FRAS1: variants seen among roughly 807,000 people sequenced by gnomAD.
FRAS1 encodes the protein Fraser extracellular matrix complex subunit 1.
A neutral mutation model predicts 435.2 loss-of-function variants in FRAS1; 290 were observed. The observed-to-expected ratio is 0.67, with a 90% CI of 0.61 to 0.73. The LOEUF is 0.73. Among genes scored for constraint, FRAS1 ranks in the 30% least tolerant of loss-of-function variants. The pLI is 0.00. For synonymous variants in FRAS1, 1,800 were observed against 1,851.0 expected (o/e 0.97, Z 0.71); for missense variants, 4,860 against 5,001.5 (o/e 0.97, Z 0.85).
chr4:78,255,396 A>C, intron 6 of FRAS1, 21 bp downstream of exon 6: 1 of 1,577,394 alleles, frequency 6.3e-7, no homozygotes, highest in South Asian at 1.2e-5. Context: ...CAACCTCAGC[A>C]TGCAGCCTTC....
Position 78,407,817 on chromosome 4 carries a change from C to A in FRAS1, c.4284C>A (p.Ala1428=). The A allele has an allele frequency of 6.2e-7, 1 of 1,608,354 alleles. No homozygotes were observed. The highest frequency in any genetic ancestry group is 8.5e-7 in the Non-Finnish European group (1 of 1,177,022). ...GGTACAGGCACTCAGGAGCCCCAGC[C>A]CAGAGCGACTCCTTCCGCTTCGAGG... ...IVWYRHSGAP[A]QSDSFRFEVS... is the part of the protein sequence containing the mutation. The change falls in exon 31 of 74, where the codon GCC becomes GCA. Residue 1428 remains alanine (A), a synonymous_variant. Coordinates refer to ENST00000512123, the MANE Select transcript of FRAS1 (RefSeq NM_025074.7).
At chr4:78,254,717 T>G (rs1418158650) in intron 5 of FRAS1, among the ~76,000 whole-genome samples, 1 of 151,628 alleles carries the variant, frequency 6.6e-6, no homozygotes, top group Non-Finnish European at 1.5e-5. Context: ...GTAGGGTCTC[T>G]TGTTCAAAAA....
chr4:78,119,628 G>A (rs917704227), intron 2 of FRAS1, among the ~76,000 whole-genome samples: 4 of 152,246 alleles, frequency 2.6e-5, no homozygotes, highest in African/African-American at 7.2e-5. Context: ...CTTGGCTATT[G>A]TGAATAGTGC....
In FRAS1 at chr4:78,479,700, A is replaced by G. The variant is rs761493269; in HGVS notation, c.8425A>G (p.Thr2809Ala). 1 of 1,592,606 alleles carries G rather than the reference A, an allele frequency of 6.3e-7. No homozygotes were observed. Among genetic ancestry groups the G allele is most frequent in the Non-Finnish European group, 8.6e-7 (1 of 1,166,750 alleles). Residue 2809 changes from threonine (T) to alanine (A), a missense_variant, in exon 56 of 74, where the codon ACT becomes GCT. Transcript: ENST00000512123. The stretch of plus-strand genomic sequence containing the variant: ...TGTGTCCCTGGGCAACACGGCTTTC[A>G]CTGTCAGTGAGGACGCAGGTAATGG... ...STVSLGNTAF[T>A]VSEDAGTVKI...
At chr4:78,086,185 T>C (rs531087527) in intron 2 of FRAS1, among the ~76,000 whole-genome samples, 1 of 152,176 alleles carries the variant, frequency 6.6e-6, no homozygotes, top group African/African-American at 2.4e-5. Flanking sequence ...ACTGGGTACA[T>C]AACGAAATGA....
intron 32 of FRAS1, 114 bp downstream of exon 32, chr4:78,413,199 G>C: frequency 1.8e-6 from 1 of 557,402 alleles, no homozygotes; most frequent in South Asian, 3.1e-5. Flanking sequence ...CCAGATCACA[G>C]ACTTGGGGGC....
chr4:78,440,323 G>C (rs971136143), intron 40 of FRAS1, among the ~76,000 whole-genome samples: 3 of 151,988 alleles, frequency 2.0e-5, no homozygotes, highest in Admixed American at 1.3e-4. Flanking sequence ...TGAGCCACCG[G>C]GCCCGGCCAA....
intron 18 of FRAS1, among the ~76,000 whole-genome samples, chr4:78,320,536 G>A (rs1001158114): frequency 4.6e-5 from 7 of 152,058 alleles, no homozygotes; most frequent in African/African-American, 1.2e-4. Context: ...AGTCACTTCC[G>A]CTTTCTGGCA....
chr4:78,202,424 C>A (rs1201355908), intron 2 of FRAS1, among the ~76,000 whole-genome samples: 3 of 152,174 alleles, frequency 2.0e-5, no homozygotes, highest in African/African-American at 7.2e-5. Flanking sequence ...GGTGCCATGG[C>A]TCATGCCTGT....
At chr4:78,138,811 T>C (rs1188625179) in intron 2 of FRAS1, among the ~76,000 whole-genome samples, 2 of 152,204 alleles carry the variant, frequency 1.3e-5, no homozygotes, top group African/African-American at 4.8e-5. Context: ...ATTTGACAAA[T>C]GTTAGCTGAC....
chr4:78,155,781 T>C (rs1409635887), intron 2 of FRAS1, among the ~76,000 whole-genome samples: 2 of 152,304 alleles, frequency 1.3e-5, no homozygotes, highest in East Asian at 3.9e-4. Context: ...CCCTCTCTTT[T>C]TTCTCTGTTC....
At chr4:78,065,891 C>T in intron 1 of FRAS1, 94 bp from the exon 2 acceptor site, 1 of 858,478 alleles carries the variant, frequency 1.2e-6, no homozygotes, top group Non-Finnish European at 1.9e-6. Flanking sequence ...GGTTATGATG[C>T]ATATAGATGC....
chr4:78,371,509 A>G (rs1252694530), intron 23 of FRAS1, among the ~76,000 whole-genome samples: 4 of 152,186 alleles, frequency 2.6e-5, no homozygotes, highest in Non-Finnish European at 5.9e-5. Context: ...AATTATTTAA[A>G]TTCATTATTT....
chr4:78,479,536 A>G lies in FRAS1; in HGVS notation c.8261A>G (p.Asp2754Gly), dbSNP rs777561566. 25 of 1,613,828 alleles carry G rather than the reference A, an allele frequency of 1.5e-5. No homozygotes were observed. Among genetic ancestry groups the G allele is most frequent in the Non-Finnish European group, 1.6e-5 (19 of 1,179,836 alleles). ...CCTGGTGTGACCATGTCCACCTGTG[A>G]TGTCATGCTTATTGATGACAGCGAG... is the stretch of plus-strand genomic sequence containing the variant. ...FGPGVTMSTC[D>G]VMLIDDSEYE... The change falls in exon 56 of 74, where the codon GAT becomes GGT. Residue 2754 changes from aspartate to glycine, a missense_variant. Transcript: ENST00000512123.
At chr4:78,328,739 A>T (rs2110252014) in intron 18 of FRAS1, among the ~76,000 whole-genome samples, 1 of 152,334 alleles carries the variant, frequency 6.6e-6, no homozygotes, top group African/African-American at 2.4e-5. Context: ...CACATGCAGT[A>T]ATTTTAAAAA....
intron 14 of FRAS1, among the ~76,000 whole-genome samples, chr4:78,303,954 C>T (rs557377879): frequency 6.6e-6 from 1 of 151,592 alleles, no homozygotes; most frequent in South Asian, 2.1e-4. Flanking sequence ...GGGAATGCTT[C>T]CAGTTTTTGC....
intron 2 of FRAS1, among the ~76,000 whole-genome samples, chr4:78,234,597 A>G (rs1724666422): frequency 6.6e-6 from 1 of 152,192 alleles, no homozygotes; most frequent in South Asian, 2.1e-4. Flanking sequence ...GCCAATTTTG[A>G]GTAATGTGCT....
chr4:78,210,034 T>C (rs571897824), intron 2 of FRAS1, among the ~76,000 whole-genome samples: 2 of 152,274 alleles, frequency 1.3e-5, no homozygotes, highest in African/African-American at 4.8e-5. Context: ...CTGAGCTCCT[T>C]ACCTGCCTCA....
At chr4:78,526,720 C>A in intron 70 of FRAS1, 63 bp downstream of exon 70, 1 of 1,062,316 alleles carries the variant, frequency 9.4e-7, no homozygotes, top group Non-Finnish European at 1.3e-6. Flanking sequence ...CTCCTACTCA[C>A]TAAAATTTAT....
Sources: allele counts gnomAD v4.1 joint callset (sites outside exome capture counted in the v4.1 genomes callset), GRCh38; gene constraint gnomAD v4.1.1; transcripts MANE v1.5; gene names NCBI Gene and HGNC (gene_info 2026-07-23, HGNC 2026-07-21).